The following PCDH15 variants were observed in gnomAD, a reference collection of about 807,000 sequenced individuals.
The protein encoded by PCDH15 is protocadherin-15.
In PCDH15, 129 loss-of-function variants were observed where a neutral mutation model predicts 178.5. The ratio of observed to expected loss-of-function variants is 0.72; its 90% CI spans 0.63 to 0.84. The LOEUF is 0.84. Among genes scored for constraint, PCDH15 ranks in the 40% least tolerant of loss-of-function variants. The pLI, the probability that PCDH15 is intolerant of heterozygous loss-of-function variation, is 0.00. For synonymous variants in PCDH15, 800 were observed against 732.0 expected (o/e 1.09, Z -1.50); for missense variants, 2,230 against 2,099.9 (o/e 1.06, Z -1.21).
At chr10:54,141,843 C>A (rs995529585) in intron 14 of PCDH15, among the ~76,000 whole-genome samples, 3 of 152,106 alleles carry the variant, frequency 2.0e-5, no homozygotes, top group Non-Finnish European at 4.4e-5. Flanking sequence ...AGTACTGTAT[C>A]TAGAAGTAAA....
chr10:55,618,560 A>G (rs1306984722), intron 2 of PCDH15, among the ~76,000 whole-genome samples: 2 of 152,026 alleles, frequency 1.3e-5, no homozygotes, highest in African/African-American at 4.8e-5. Flanking sequence ...ACTCTTCCCC[A>G]AAACACTTGT....
intron 2 of PCDH15, among the ~76,000 whole-genome samples, chr10:54,932,032 C>G (rs1272464070): frequency 6.6e-6 from 1 of 152,170 alleles, no homozygotes; most frequent in African/African-American, 2.4e-5. Context: ...ACCATATATG[C>G]TACAGTGATT....
intron 21 of PCDH15, among the ~76,000 whole-genome samples, chr10:53,974,612 A>G (rs988482508): frequency 6.6e-6 from 1 of 152,108 alleles, no homozygotes; most frequent in East Asian, 1.9e-4. Context: ...TAATCACTCT[A>G]TCTTTCCTGG....
intron 15 of PCDH15, among the ~76,000 whole-genome samples, chr10:54,109,009 T>C (rs547219105): frequency 1.6e-4 from 24 of 152,214 alleles, no homozygotes; most frequent in Admixed American, 1.4e-3. Flanking sequence ...TAACCAGCAG[T>C]GATACCCAGG....
intron 5 of PCDH15, among the ~76,000 whole-genome samples, chr10:54,353,803 A>G (rs1944533246): frequency 6.6e-6 from 1 of 152,130 alleles, no homozygotes; most frequent in Non-Finnish European, 1.5e-5. Context: ...AGACTAGATG[A>G]TTAATATTAA....
chr10:54,885,502 G>A (rs1027938943), intron 3 of PCDH15, among the ~76,000 whole-genome samples: 3 of 151,544 alleles, frequency 2.0e-5, no homozygotes, highest in African/African-American at 7.3e-5. Context: ...ACAGAATCTA[G>A]TAAAAAGCAA....
chr10:53,975,598 C>T (rs2660174), intron 21 of PCDH15, among the ~76,000 whole-genome samples: 66,420 of 151,694 alleles, frequency 0.44, 14,868 homozygotes, highest in Middle Eastern at 0.6. Context: ...TGTCTGTTCA[C>T]GTCCTCTGAT....
At chr10:55,191,828 A>G (rs1011405801) in intron 1 of PCDH15, among the ~76,000 whole-genome samples, 1 of 151,876 alleles carries the variant, frequency 6.6e-6, no homozygotes, top group Non-Finnish European at 1.5e-5. Flanking sequence ...AACTTTCCCA[A>G]ACAATTTTCA....
intron 28 of PCDH15, among the ~76,000 whole-genome samples, chr10:53,856,539 G>GA (rs2078757136): frequency 6.6e-6 from 1 of 152,040 alleles, no homozygotes; most frequent in Non-Finnish European, 1.5e-5. Context: ...TTTGAGAAAT[G>GA]ACATATTTCC....
chr10:54,922,281 T>G (rs1837514102), intron 2 of PCDH15, among the ~76,000 whole-genome samples: 1 of 152,108 alleles, frequency 6.6e-6, no homozygotes, highest in South Asian at 2.1e-4. Context: ...CTTCCACTTA[T>G]GGGCCTGTAA....
At chr10:54,607,082 A>C (rs1397917496) in intron 2 of PCDH15, 1 of 152,150 alleles carries the variant, frequency 6.6e-6, no homozygotes. Context: ...TAAGTAATAA[A>C]GGTCTTTTAG....
chr10:53,807,199 G>T, intron 37 of PCDH15, 69 bp from the exon 38 acceptor site: 1 of 1,225,852 alleles, frequency 8.2e-7, no homozygotes, highest in Non-Finnish European at 1.1e-6. Flanking sequence ...TACATTGCCT[G>T]TGAAATCCAA....
chr10:54,114,572 A>G (rs916970977), intron 15 of PCDH15, among the ~76,000 whole-genome samples: 5 of 152,238 alleles, frequency 3.3e-5, no homozygotes, highest in African/African-American at 1.2e-4. Flanking sequence ...AATACTTGGC[A>G]TGACAATATA....
At chr10:54,807,900 T>C (rs1745937396) in intron 3 of PCDH15, among the ~76,000 whole-genome samples, 1 of 151,516 alleles carries the variant, frequency 6.6e-6, no homozygotes, top group Admixed American at 6.6e-5. Context: ...TTTTCTACAT[T>C]GACAGCCTGT....
intron 8 of PCDH15, among the ~76,000 whole-genome samples, chr10:54,308,601 A>C (rs1049935811): frequency 6.6e-6 from 1 of 152,098 alleles, no homozygotes; most frequent in African/African-American, 2.4e-5. Flanking sequence ...AAGGAGAACC[A>C]AGGATTCCTT....
chr10:55,312,413 T>C (rs1285188048), intron 1 of PCDH15, among the ~76,000 whole-genome samples: 1 of 152,162 alleles, frequency 6.6e-6, no homozygotes, highest in Non-Finnish European at 1.5e-5. Flanking sequence ...TGGAGGTCCA[T>C]CTGTTAGTAT....
intron 1 of PCDH15, among the ~76,000 whole-genome samples, chr10:54,710,960 G>A (rs1296595799): frequency 6.6e-6 from 1 of 151,958 alleles, no homozygotes; most frequent in Admixed American, 6.6e-5. Flanking sequence ...GCATAAACCG[G>A]ATTGCTTTGG....
chr10:54,508,349 A>C (rs866056478), intron 3 of PCDH15, among the ~76,000 whole-genome samples: 2 of 152,040 alleles, frequency 1.3e-5, no homozygotes, highest in African/African-American at 4.8e-5. Context: ...CCATGGAATT[A>C]AAAACAAGAA....
intron 9 of PCDH15, among the ~76,000 whole-genome samples, chr10:54,224,053 C>T (rs926807812): frequency 2.0e-5 from 3 of 152,048 alleles, no homozygotes; most frequent in African/African-American, 7.2e-5. Context: ...CAAATTTTTC[C>T]CTTCACCACT....
Sources: gnomAD v4.1 joint callset for allele counts (sites outside exome capture counted in the v4.1 genomes callset) on GRCh38, gnomAD v4.1.1 for gene constraint, MANE v1.5 for transcripts, NCBI Gene and HGNC (gene_info 2026-07-23, HGNC 2026-07-21) for gene names.